STRIP1: variants seen among roughly 807,000 people sequenced by gnomAD.
STRIP1 encodes the protein striatin interacting protein 1, also known as striatin-interacting protein 1.
Under a neutral mutation model 106.2 loss-of-function variants are expected in STRIP1, and 63 were observed. That is an observed-to-expected ratio of 0.59 (90% CI 0.48 to 0.73). The LOEUF (loss-of-function observed/expected upper bound fraction) is 0.73. STRIP1 is among the 30% of genes least tolerant of loss of function. The probability of loss-of-function intolerance (pLI) is 0.00; values close to 1 mark genes in which losing one functional copy is unlikely to be tolerated. For synonymous variants in STRIP1, 390 were observed against 413.0 expected (o/e 0.94, Z 0.67); for missense variants, 857 against 1,074.8 (o/e 0.80, Z 2.83).
intron 1 of STRIP1, among the ~76,000 whole-genome samples, chr1:110,036,218 C>T (rs1652445421): frequency 6.6e-6 from 1 of 152,098 alleles, no homozygotes. Context: ...TTGGGGAGGC[C>T]GAGGCGGGCG....
rs1474836980 is a variant in STRIP1, at chr1:110,043,190, A to G, written c.988A>G (p.Asn330Asp). The G allele has an allele frequency of 6.2e-7, 1 of 1,614,010 alleles. No individual in the cohort carries two copies. The highest frequency in any genetic ancestry group is 8.5e-7 in the Non-Finnish European group (1 of 1,180,032). ...LPEDSIKVIR[N>D]MRAASPPASA... ...TGAGGACAGCATCAAAGTGATTCGC[A>G]ACATGAGAGCAGCCTCTCCACCAGC... The change falls in exon 9 of 21, where the codon AAC becomes GAC. Residue 330 changes from asparagine to aspartate, a missense_variant. Physicochemically the swap from Asn to Asp is conservative, Grantham distance 23 (BLOSUM62 1). This residue lies in a region of STRIP1 where 750 missense variants were observed against 989.8 expected (regional missense o/e 0.76). Coordinates refer to ENST00000369795, the MANE Select transcript of STRIP1 (RefSeq NM_033088.4).
At chr1:110,043,409 C>A (rs770114390) in intron 9 of STRIP1, 139 bp downstream of exon 9, 10 of 1,002,718 alleles carry the variant, frequency 1.0e-5, no homozygotes, top group Non-Finnish European at 1.5e-5. Flanking sequence ...AGCGAGGATA[C>A]TTTGTCCCCA....
At chr1:110,044,752 G>A in intron 10 of STRIP1, 88 bp from the exon 11 acceptor site, 1 of 1,287,096 alleles carries the variant, frequency 7.8e-7, no homozygotes, top group Non-Finnish European at 1.1e-6. Context: ...CACAGTTTCT[G>A]GATGCTGTGT....
chr1:110,036,458 CA>C (rs59194198), intron 1 of STRIP1, among the ~76,000 whole-genome samples: 32 of 146,500 alleles, frequency 2.2e-4, no homozygotes, highest in African/African-American at 6.2e-4. Context: ...CTCCCCGTCT[CA>C]AAAAAAAAAA....
At chr1:110,042,106 T>C (rs952387884) in intron 8 of STRIP1, among the ~76,000 whole-genome samples, 3 of 152,196 alleles carry the variant, frequency 2.0e-5, no homozygotes, top group Admixed American at 6.5e-5. Context: ...AGCTGTTTTC[T>C]GTCATAGAAC....
chr1:110,053,759 C>T lies in STRIP1; in HGVS notation c.2361C>T (p.His787=). 6.2e-7 allele frequency: 1 copy of T among 1,614,164 alleles called. No homozygotes were observed. Among genetic ancestry groups the T allele is most frequent in the Non-Finnish European group, 8.5e-7 (1 of 1,180,034 alleles). Residue 787 remains histidine, a synonymous_variant, in exon 21 of 21, where the codon CAC becomes CAT. Coordinates refer to ENST00000369795, the MANE Select transcript of STRIP1 (RefSeq NM_033088.4). ...RFNARRYDRA[H]SNPDFLPVDN... ...ACGCCCGGCGCTATGACCGGGCCCACAGCAACCCTGACTTCCTGCCAGTGG... is the reference window on the plus strand; with the variant it reads ...ACGCCCGGCGCTATGACCGGGCCCATAGCAACCCTGACTTCCTGCCAGTGG...
chr1:110,041,392 T>G (rs1652750299), intron 6 of STRIP1, 144 bp from the exon 7 acceptor site: 3 of 618,206 alleles, frequency 4.9e-6, no homozygotes, highest in African/African-American at 1.9e-5. Context: ...GGTAAATGCT[T>G]TTGGCCATTC....
chr1:110,040,620 C>G lies in STRIP1; in HGVS notation c.582-15C>G, dbSNP rs774413937. ...CTTCTTGGAGGAAGATGCTGACTCT[C>G]AAAATCTCCTGCAGCAACAGTGCCG... On this transcript the variant is annotated splice_polypyrimidine_tract_variant and intron_variant, in intron 5 of 20. Coordinates refer to ENST00000369795, the MANE Select transcript of STRIP1 (RefSeq NM_033088.4). 1 of 1,607,002 alleles carries G rather than the reference C, an allele frequency of 6.2e-7. No individual in the cohort carries two copies. Among genetic ancestry groups the G allele is most frequent in the Non-Finnish European group, 8.5e-7 (1 of 1,176,658 alleles).
Position 110,051,670 on chromosome 1 carries a change from T to C in STRIP1, c.2062-13T>C. On this transcript the variant is annotated splice_polypyrimidine_tract_variant and intron_variant, in intron 19 of 20. Coordinates refer to ENST00000369795, the MANE Select transcript of STRIP1 (RefSeq NM_033088.4). ...GTCTTCAACTTGGGCTGCTTGCTTG[T>C]TTCCCTTCCCAGATGCTGGTGGTGT... 6.3e-7 allele frequency: 1 copy of C among 1,589,792 alleles called. No individual in the cohort carries two copies. The highest frequency in any genetic ancestry group is 8.6e-7 in the Non-Finnish European group (1 of 1,167,668).
chr1:110,040,844 T>C, intron 6 of STRIP1, 141 bp downstream of exon 6: 1 of 703,030 alleles, frequency 1.4e-6, no homozygotes, highest in Non-Finnish European at 2.3e-6. Flanking sequence ...TCAGTGTGAA[T>C]GATTAGTAGG....
chr1:110,039,973 T>G, intron 5 of STRIP1: 1 of 1,124,052 alleles, frequency 8.9e-7, no homozygotes, highest in Non-Finnish European at 1.2e-6. Context: ...ACACCATCAA[T>G]GATAAAGCTA....
intron 1 of STRIP1, among the ~76,000 whole-genome samples, chr1:110,035,639 C>T (rs1337095414): frequency 6.6e-6 from 1 of 152,018 alleles, no homozygotes; most frequent in Non-Finnish European, 1.5e-5. Context: ...ACTCATGTCG[C>T]GGAGTTTTAG....
At position 110,042,000 on chromosome 1, in the gene STRIP1, AAGG is replaced by A. The variant is rs1652788317; in HGVS notation, c.885+142_885+144del. 4.8e-6 allele frequency: 5 copies of A among 1,047,594 alleles called. No homozygotes were observed. In the Admixed American group the frequency reaches 9.7e-5, roughly 20 times the overall value. 64.9% of individuals were successfully genotyped at this position (1,047,594 alleles called of 1,614,324 possible). A position where few individuals can be genotyped will look rare whatever the true frequency, so the allele number is the denominator to read the frequency against. ...AAAAAATTATTTAAAAAGCTGCTAA[AAGG>A]AGATGACAAAAGAAGGGCCACTATT... On this transcript the variant is annotated intron_variant, in intron 8 of 20. Transcript: ENST00000369795.
intron 19 of STRIP1, among the ~76,000 whole-genome samples, chr1:110,051,353 T>G (rs1466835045): frequency 6.6e-6 from 1 of 152,180 alleles, no homozygotes; most frequent in East Asian, 1.9e-4. Flanking sequence ...TAACTCTGGG[T>G]CTGTGGATGC....
rs1652661486 is a variant in STRIP1 at position 110,039,628 on chromosome 1, C to G, written c.581+113C>G. ...GTTAAATGGGGCAGAAGTTCTGGTC[C>G]CAGGCTGTGTTCTGACCACCTGGGT... On this transcript the variant is annotated intron_variant, in intron 5 of 20. Transcript: ENST00000369795. The G allele has an allele frequency of 1.1e-5, 14 of 1,324,180 alleles. No individual in the cohort carries two copies. In the East Asian group the frequency reaches 3.5e-4, roughly 33 times the overall value. The allele number at this position is 1,324,180 out of a possible 1,614,324, so 82.0% of individuals were successfully genotyped here. A position where few individuals can be genotyped will look rare whatever the true frequency, so the allele number is the denominator to read the frequency against.
At chr1:110,040,172 T>TG (rs1009727331) in intron 5 of STRIP1, among the ~76,000 whole-genome samples, 38 of 151,822 alleles carry the variant, frequency 2.5e-4, no homozygotes, top group African/African-American at 8.3e-4. Flanking sequence ...TTTGTTTTTG[T>TG]GTTTTTTTTG....
chr1:110,043,498 C>G (rs538668768), intron 9 of STRIP1, 141 bp from the exon 10 acceptor site: 6 of 882,732 alleles, frequency 6.8e-6, no homozygotes, highest in Non-Finnish European at 9.0e-6. Flanking sequence ...GATGGTTTGG[C>G]CCCCGTCTTG....
At chr1:110,051,144 TC>T in intron 19 of STRIP1, 84 bp downstream of exon 19, 1 of 878,512 alleles carries the variant, frequency 1.1e-6, no homozygotes, top group South Asian at 1.3e-5. Context: ...AGGGTGGGGC[TC>T]ACTGTGCCTT....
intron 12 of STRIP1, 41 bp downstream of exon 12, chr1:110,045,119 A>G: frequency 1.3e-6 from 2 of 1,583,048 alleles, no homozygotes; most frequent in South Asian, 1.1e-5. Context: ...TTTGGTCCTA[A>G]GTGAGTAGAG....
Sources: allele counts gnomAD v4.1 joint callset (sites outside exome capture counted in the v4.1 genomes callset), GRCh38; gene constraint gnomAD v4.1.1; regional missense constraint gnomAD v4.1.1; transcripts MANE v1.5; gene names NCBI Gene and HGNC (gene_info 2026-07-23, HGNC 2026-07-21).